Variants in SFI1 observed in about 807,000 individuals in gnomAD.
SFI1 encodes the protein SFI1 centrin binding protein, also known as protein SFI1 homolog.
A neutral mutation model predicts 207.5 loss-of-function variants in SFI1; 195 were observed. The ratio of observed to expected loss-of-function variants is 0.94; its 90% CI spans 0.84 to 1.06. SFI1 has a LOEUF of 1.06. Among genes scored for constraint, SFI1 ranks in the 50% least tolerant of loss-of-function variants. The pLI, the probability that SFI1 is intolerant of heterozygous loss-of-function variation, is 0.00. For missense variants in SFI1, 1,634 were observed against 1,588.0 expected, an observed-to-expected ratio of 1.03 and a Z score of -0.49; for synonymous variants, 630 against 598.9, an observed-to-expected ratio of 1.05 and a Z score of -0.76.
chr22:31,596,783 C>CA (rs11427119), intron 15 of SFI1, among the ~76,000 whole-genome samples: 69,754 of 111,450 alleles, frequency 0.63, 26,602 homozygotes, highest in Non-Finnish European at 0.71. Flanking sequence ...GATTCCATCT[C>CA]AAAAAAAAAA....
At chr22:31,530,895 T>C (rs2058452778) in intron 3 of SFI1, 163 bp from the exon 4 acceptor site, 1 of 602,730 alleles carries the variant, frequency 1.7e-6, no homozygotes, top group South Asian at 2.0e-5. Flanking sequence ...ATCTGCCCCA[T>C]CCTATGCCCT....
At chr22:31,559,754 G>A in intron 7 of SFI1, 1 of 809,656 alleles carries the variant, frequency 1.2e-6, no homozygotes, top group South Asian at 1.3e-5. Context: ...GGATGTAAAG[G>A]ATGGAAAATA....
chr22:31,604,913 C>G lies in SFI1; in HGVS notation c.2022C>G (p.Ala674=). 6.2e-7 allele frequency: 1 copy of G among 1,611,304 alleles called. No homozygotes were observed. Among genetic ancestry groups the G allele is most frequent in the South Asian group, 1.1e-5 (1 of 90,810 alleles). ...GAAGCATCCTCCGGGAGGTGGCAGCCAGGGAGAGCCAGCACAACAGGCAGC... is the reference window on the plus strand; with the variant it reads ...GAAGCATCCTCCGGGAGGTGGCAGCGAGGGAGAGCCAGCACAACAGGCAGC... ...RVRSILREVA[A]RESQHNRQLL... is the part of the protein sequence containing the mutation. Residue 674 remains alanine (A), a synonymous_variant, in exon 20 of 33, where the codon GCC becomes GCG. Coordinates refer to ENST00000400288, the MANE Select transcript of SFI1 (RefSeq NM_001007467.3).
rs776371680 is a variant in SFI1 at position 31,580,386 on chromosome 22, A to G, written c.1248+22A>G. 3.8e-6 allele frequency: 6 copies of G among 1,589,462 alleles called. No individual in the cohort carries two copies. The Admixed American group carries it at 1.0e-4, about 27-fold the overall frequency. ...CACGGTGAGGGTTGTCTTCTGTATC[A>G]AGGGACCTCTTCTGAAGGCCATTCT... is the stretch of plus-strand genomic sequence containing the variant. On this transcript the variant is annotated intron_variant, in intron 12 of 32. Transcript: ENST00000400288.
At chr22:31,542,964 AT>A (rs918011254) in intron 4 of SFI1, among the ~76,000 whole-genome samples, 50 of 121,388 alleles carry the variant, frequency 4.1e-4, no homozygotes, top group Admixed American at 2.8e-3. Flanking sequence ...GCCTGACTTA[AT>A]TTTTTTTTTC....
At chr22:31,611,925 A>C (rs1463194261) in intron 24 of SFI1, 85 bp downstream of exon 24, 1 of 1,565,234 alleles carries the variant, frequency 6.4e-7, no homozygotes, top group African/African-American at 1.4e-5. Flanking sequence ...CCTTCAGCCT[A>C]CACCTCTAGT....
At chr22:31,606,469 TG>T (rs1569452925) in intron 21 of SFI1, 39 bp downstream of exon 21, 2 of 1,556,972 alleles carry the variant, frequency 1.3e-6, no homozygotes, top group Non-Finnish European at 1.8e-6. Context: ...CCAGGAGAGT[TG>T]GGACTGTGTT....
intron 8 of SFI1, among the ~76,000 whole-genome samples, chr22:31,568,468 T>C (rs1454480436): frequency 7.1e-6 from 1 of 139,966 alleles, no homozygotes; most frequent in Non-Finnish European, 1.5e-5. Context: ...GAAGCAGAGG[T>C]TGCAGTGAGC....
chr22:31,587,060 T>C (rs1454803438), intron 14 of SFI1, among the ~76,000 whole-genome samples: 2 of 152,240 alleles, frequency 1.3e-5, no homozygotes, highest in East Asian at 3.8e-4. Flanking sequence ...CCTCTGTATC[T>C]GTGGGTTCCA....
rs1212423716 is a variant in SFI1 at position 31,578,442 on chromosome 22, A to G, written c.1145A>G (p.His382Arg). 7 of 1,613,500 alleles carry G rather than the reference A, an allele frequency of 4.3e-6. No homozygotes were observed. The South Asian group carries it at 7.7e-5, about 18-fold the overall frequency. Reference sequence around the variant, plus strand: ...GAGATGGCAGAAGAGCACCACAGGCACAGCCAGCTGGTAAGAGCCCTGCAT... The same window carrying G: ...GAGATGGCAGAAGAGCACCACAGGCGCAGCCAGCTGGTAAGAGCCCTGCAT... ...QFEMAEEHHR[H>R]SQLYFCFRAL... The change falls in exon 11 of 33, where the codon CAC becomes CGC. Residue 382 changes from histidine to arginine, a missense_variant. By Grantham distance (29) the His-to-Arg change is conservative. Coordinates refer to ENST00000400288, the MANE Select transcript of SFI1 (RefSeq NM_001007467.3).
chr22:31,612,398 A>AAAAAAAATAT (rs1556369798), intron 24 of SFI1: 2 of 60,194 alleles, frequency 3.3e-5, no homozygotes, highest in African/African-American at 6.7e-5. Context: ...AAAAAAAAAA[A>AAAAAAAATAT]ATATATATAT....
At chr22:31,577,761 G>T (rs554394642) in intron 10 of SFI1, among the ~76,000 whole-genome samples, 3 of 152,280 alleles carry the variant, frequency 2.0e-5, no homozygotes, top group Admixed American at 2.0e-4. Flanking sequence ...AGTCAGATTT[G>T]TGCTTTGGAA....
Position 31,613,571 on chromosome 22 carries a change from T to G in SFI1, c.2743-31T>G, listed in dbSNP as rs748931986. The G allele has an allele frequency of 3.6e-5, 57 of 1,575,914 alleles. No individual in the cohort carries two copies. In the Admixed American group the frequency reaches 9.5e-4, roughly 26 times the overall value. On this transcript the variant is annotated intron_variant, in intron 26 of 32. Coordinates refer to ENST00000400288, the MANE Select transcript of SFI1 (RefSeq NM_001007467.3). The stretch of plus-strand genomic sequence containing the variant: ...CTTCCTGTGGGGAGCAGGCAGGGTG[T>G]GGCATGAGCTGACCAGAGGCTGTGT...
At chr22:31,611,981 C>T (rs966709187) in intron 24 of SFI1, 141 bp downstream of exon 24, 1 of 1,439,384 alleles carries the variant, frequency 6.9e-7, no homozygotes. Context: ...TCCTCTACCA[C>T]CTTCCTGTCA....
intron 10 of SFI1, 112 bp from the exon 11 acceptor site, chr22:31,578,270 C>A: frequency 1.0e-6 from 1 of 1,001,376 alleles, no homozygotes; most frequent in Non-Finnish European, 1.4e-6. Flanking sequence ...CCTCAGCCCA[C>A]CTGGCACGTG....
At chr22:31,526,323 C>G (rs749076976) in intron 2 of SFI1, among the ~76,000 whole-genome samples, 4 of 152,110 alleles carry the variant, frequency 2.6e-5, no homozygotes, top group Admixed American at 6.6e-5. Context: ...GAAGGGGAAG[C>G]AAACACGTCC....
chr22:31,556,851 G>A (rs771078659), intron 6 of SFI1, 91 bp from the exon 7 acceptor site: 4 of 782,826 alleles, frequency 5.1e-6, no homozygotes, highest in Non-Finnish European at 8.2e-6. Flanking sequence ...AGGGATTTAG[G>A]TATTCAAAGG....
chr22:31,550,222 A>G (rs750946106), intron 5 of SFI1, 32 bp from the exon 6 acceptor site: 1 of 1,586,934 alleles, frequency 6.3e-7, no homozygotes, highest in Non-Finnish European at 8.7e-7. Flanking sequence ...GTTATTTTGA[A>G]GAAATGCCAT....
At chr22:31,551,036 CT>C (rs1340007601) in intron 6 of SFI1, among the ~76,000 whole-genome samples, 1 of 152,164 alleles carries the variant, frequency 6.6e-6, no homozygotes, top group Non-Finnish European at 1.5e-5. Flanking sequence ...CTTACCTAAT[CT>C]TTTAAGAAGG....
Sources: gnomAD v4.1 joint callset for allele counts (sites outside exome capture counted in the v4.1 genomes callset) on GRCh38, gnomAD v4.1.1 for gene constraint, MANE v1.5 for transcripts, NCBI Gene and HGNC (gene_info 2026-07-23, HGNC 2026-07-21) for gene names.